The following MOSPD2 variants were observed in gnomAD, a reference collection of about 807,000 sequenced individuals.
The protein encoded by MOSPD2 is motile sperm domain containing 2, also known as motile sperm domain-containing protein 2.
MOSPD2 carries 5 observed loss-of-function variants against 41.7 expected under a neutral mutation model. The ratio of observed to expected loss-of-function variants is 0.12; its 90% CI spans 0.06 to 0.25. The LOEUF is 0.25. Among genes scored for constraint, MOSPD2 ranks in the 10% least tolerant of loss-of-function variants. The probability of loss-of-function intolerance (pLI) is 1.00; values close to 1 mark genes in which losing one functional copy is unlikely to be tolerated. For missense variants in MOSPD2, 282 were observed against 375.2 expected (o/e 0.75, Z 2.05); for synonymous variants, 115 against 126.9 (o/e 0.91, Z 0.63).
Position 14,921,354 on chromosome X carries a change from T to C in MOSPD2, c.*1545T>C. On this transcript the variant is annotated 3_prime_UTR_variant, in exon 15 of 15. Coordinates refer to ENST00000380492, the MANE Select transcript of MOSPD2 (RefSeq NM_152581.4). ...AAAAGGACACTGGTGTGCTACTTTG[T>C]CTTAATTTGGGCTTTTCTGTTTCAG... 1 of 937,322 alleles carries C rather than the reference T, an allele frequency of 1.1e-6. No homozygotes were observed. The highest frequency in any genetic ancestry group is 1.3e-6 in the Non-Finnish European group (1 of 755,650). The allele number at this position is 937,322 out of a possible 1,213,427, so 77.2% of individuals were successfully genotyped here.
intron 3 of MOSPD2, chrX:14,893,108 T>G (rs1215854235): frequency 3.7e-6 from 1 of 272,660 alleles, no homozygotes; most frequent in Non-Finnish European, 6.5e-6. Flanking sequence ...ACTCAGATTC[T>G]TCATTCACAG....
At chrX:14,899,816 C>G in intron 5 of MOSPD2, among the ~76,000 whole-genome samples, 1 of 109,963 alleles carries the variant, frequency 9.1e-6, no homozygotes, top group Non-Finnish European at 1.9e-5. Context: ...ATAAGATGGC[C>G]AATCAGAATT....
chrX:14,921,215 A>G lies in MOSPD2; in HGVS notation c.*1406A>G. 1 of 917,843 alleles carries G rather than the reference A, an allele frequency of 1.1e-6. No individual in the cohort carries two copies. Among genetic ancestry groups the G allele is most frequent in the Non-Finnish European group, 1.3e-6 (1 of 742,921 alleles). The allele number at this position is 917,843 out of a possible 1,213,427, so 75.6% of individuals were successfully genotyped here. ...TTGAGCCATGTTTGGAGATTTTATT[A>G]CTATTCTGAAGGGTAGTGTTGTTGG... On this transcript the variant is annotated 3_prime_UTR_variant, in exon 15 of 15. Transcript: ENST00000380492.
chrX:14,898,996 G>A (rs1464710067), intron 5 of MOSPD2, among the ~76,000 whole-genome samples: 1 of 109,330 alleles, frequency 9.1e-6, no homozygotes, highest in Non-Finnish European at 1.9e-5. Flanking sequence ...TTAGAGTTGG[G>A]ACACCAGTTT....
rs2092609747 is a variant in MOSPD2, at chrX:14,921,607, A to G, written c.*1798A>G. 3.4e-6 allele frequency: 1 copy of G among 290,629 alleles called. No individual in the cohort carries two copies. Among genetic ancestry groups the G allele is most frequent in the East Asian group, 5.4e-5 (1 of 18,494 alleles). The allele number at this position is 290,629 out of a possible 1,213,427, so 24.0% of individuals were successfully genotyped here. A position where few individuals can be genotyped will look rare whatever the true frequency, so the allele number is the denominator to read the frequency against. On this transcript the variant is annotated 3_prime_UTR_variant, in exon 15 of 15. Coordinates refer to ENST00000380492, the MANE Select transcript of MOSPD2 (RefSeq NM_152581.4). ...CCTAACGGTGTCCCTTTAATGTTTC[A>G]TATGAAAAATTATGTTGACCCACTA...
At chrX:14,901,668 T>C (rs886597638) in intron 6 of MOSPD2, among the ~76,000 whole-genome samples, 3 of 110,310 alleles carry the variant, frequency 2.7e-5, no homozygotes, top group Admixed American at 1.9e-4. Context: ...TCCTTATGGA[T>C]TTTTCCTGTA....
chrX:14,883,517 T>C (rs760127814), intron 2 of MOSPD2, among the ~76,000 whole-genome samples: 11 of 112,112 alleles, frequency 9.8e-5, no homozygotes, highest in Non-Finnish European at 1.7e-4. Flanking sequence ...TAGTTTAAGC[T>C]GAACTTGTAG....
chrX:14,900,706 C>G (rs1009084143), intron 6 of MOSPD2, 71 bp downstream of exon 6: 3 of 518,556 alleles, frequency 5.8e-6, no homozygotes, highest in Non-Finnish European at 9.1e-6. Context: ...AATTGTGGAG[C>G]CTTATGTTAT....
chrX:14,897,341 A>G (rs2092564785), intron 5 of MOSPD2, 103 bp downstream of exon 5: 1 of 640,174 alleles, frequency 1.6e-6, no homozygotes, highest in South Asian at 4.0e-5. Context: ...TGAGGTAACT[A>G]ACTTATATTA....
intron 3 of MOSPD2, among the ~76,000 whole-genome samples, chrX:14,894,462 G>A (rs1211561036): frequency 1.8e-5 from 2 of 108,988 alleles, no homozygotes; most frequent in Non-Finnish European, 3.8e-5. Context: ...GACTACAGGC[G>A]CCCACCACCA....
intron 7 of MOSPD2, among the ~76,000 whole-genome samples, chrX:14,905,052 C>T (rs1327868053): frequency 2.7e-5 from 3 of 111,650 alleles, no homozygotes; most frequent in Non-Finnish European, 5.6e-5. Context: ...AAGTGCAGAT[C>T]TCTCTTTGGG....
At chrX:14,905,431 A>G (rs2092580233) in intron 7 of MOSPD2, among the ~76,000 whole-genome samples, 1 of 110,871 alleles carries the variant, frequency 9.0e-6, no homozygotes, top group South Asian at 3.8e-4. Flanking sequence ...TTGGATGCTC[A>G]AGTCCCTCAT....
chrX:14,912,423 C>A, intron 10 of MOSPD2, 62 bp downstream of exon 10: 3 of 719,763 alleles, frequency 4.2e-6, no homozygotes, highest in Non-Finnish European at 5.8e-6. Flanking sequence ...CTTGAGGGAG[C>A]CACAAAATTA....
intron 11 of MOSPD2, among the ~76,000 whole-genome samples, chrX:14,914,820 A>C (rs1345995546): frequency 8.9e-6 from 1 of 112,297 alleles, no homozygotes; most frequent in African/African-American, 3.2e-5. Context: ...TACGTGCAGT[A>C]ATAGGTTAAT....
chrX:14,888,195 T>TACACACACACACAC (rs773623825), intron 2 of MOSPD2, among the ~76,000 whole-genome samples: 1 of 88,747 alleles, frequency 1.1e-5, no homozygotes, highest in South Asian at 5.4e-4. Context: ...GGAGAATATA[T>TACACACACACACAC]ACACACACAC....
At chrX:14,900,992 A>G (rs776138523) in intron 6 of MOSPD2, among the ~76,000 whole-genome samples, 71 of 112,034 alleles carry the variant, frequency 6.3e-4, no homozygotes, top group African/African-American at 2.1e-3. Flanking sequence ...AGTATTTATT[A>G]TATGAAACTT....
At chrX:14,891,593 G>T (rs1418456789) in intron 2 of MOSPD2, among the ~76,000 whole-genome samples, 1 of 103,355 alleles carries the variant, frequency 9.7e-6, no homozygotes, top group African/African-American at 3.6e-5. Context: ...TTTTTAGACA[G>T]AGTCTCACTC....
At chrX:14,887,678 GTTTC>G (rs749949810) in intron 2 of MOSPD2, among the ~76,000 whole-genome samples, 13 of 109,084 alleles carry the variant, frequency 1.2e-4, no homozygotes, top group African/African-American at 4.2e-4. Flanking sequence ...AAGAGCTATA[GTTTC>G]TTTATCTTAC....
At chrX:14,909,699 G>A (rs1334266699) in intron 8 of MOSPD2, among the ~76,000 whole-genome samples, 1 of 111,245 alleles carries the variant, frequency 9.0e-6, no homozygotes, top group Non-Finnish European at 1.9e-5. Context: ...TCACTTATTT[G>A]ATTTTTTTGC....
Sources: gnomAD v4.1 joint callset for allele counts (sites outside exome capture counted in the v4.1 genomes callset) on GRCh38, gnomAD v4.1.1 for gene constraint, MANE v1.5 for transcripts, NCBI Gene and HGNC (gene_info 2026-07-23, HGNC 2026-07-21) for gene names.